The following MIGA1 variants were observed in gnomAD, a reference collection of about 807,000 sequenced individuals.
The protein encoded by MIGA1 is family with sequence similarity 73, member A.
MIGA1 carries 58 observed loss-of-function variants against 82.0 expected under a neutral mutation model. The observed-to-expected ratio is 0.71, with a 90% CI of 0.57 to 0.88. The LOEUF (loss-of-function observed/expected upper bound fraction) is 0.88. Among genes scored for constraint, MIGA1 ranks in the 40% least tolerant of loss-of-function variants. The pLI, the probability that MIGA1 is intolerant of heterozygous loss-of-function variation, is 0.00. For missense variants in MIGA1, 751 were observed against 749.1 expected (o/e 1.00, Z -0.03); for synonymous variants, 249 against 253.6 (o/e 0.98, Z 0.17).
At chr1:77,809,052 A>G (rs1428593112) in intron 5 of MIGA1, among the ~76,000 whole-genome samples, 1 of 152,122 alleles carries the variant, frequency 6.6e-6, no homozygotes. Flanking sequence ...TCAAGGTTAC[A>G]GTGAGCTAAT....
chr1:77,853,084 C>T (rs541690465), intron 8 of MIGA1, among the ~76,000 whole-genome samples: 1 of 152,278 alleles, frequency 6.6e-6, no homozygotes, highest in Admixed American at 6.5e-5. Context: ...ATGTGAAATA[C>T]CAAAACCAAA....
intron 3 of MIGA1, among the ~76,000 whole-genome samples, chr1:77,801,885 C>A (rs1046920048): frequency 3.3e-5 from 5 of 152,190 alleles, no homozygotes; most frequent in Middle Eastern, 3.4e-3. Context: ...GAATGTCTTT[C>A]CAGGTCAATA....
chr1:77,793,766 C>T (rs1682535353), intron 2 of MIGA1, among the ~76,000 whole-genome samples: 2 of 143,890 alleles, frequency 1.4e-5, no homozygotes, highest in Admixed American at 1.4e-4. Flanking sequence ...TGCCTGGCTG[C>T]TTTACTAAAA....
chr1:77,812,830 G>A (rs932374780), intron 5 of MIGA1, among the ~76,000 whole-genome samples: 1 of 152,010 alleles, frequency 6.6e-6, no homozygotes, highest in African/African-American at 2.4e-5. Flanking sequence ...CTTTTGATGG[G>A]TTCATTCAGT....
chr1:77,811,001 T>C (rs1683305827), intron 5 of MIGA1: 1 of 1,612,676 alleles, frequency 6.2e-7, no homozygotes, highest in East Asian at 2.2e-5. Flanking sequence ...TCCATCTCCA[T>C]GAAAGCAAAA....
chr1:77,838,677 A>G (rs1435816610), intron 7 of MIGA1, among the ~76,000 whole-genome samples: 1 of 152,040 alleles, frequency 6.6e-6, no homozygotes, highest in Non-Finnish European at 1.5e-5. Context: ...CGAACTCCTG[A>G]CCTCAGGTGA....
intron 8 of MIGA1, 146 bp from the exon 9 acceptor site, chr1:77,858,792 T>A (rs1281565400): frequency 7.4e-6 from 4 of 537,604 alleles, no homozygotes; most frequent in Non-Finnish European, 1.3e-5. Flanking sequence ...CTAATTTTTT[T>A]AGATTTTTGT....
intron 14 of MIGA1, among the ~76,000 whole-genome samples, chr1:77,867,132 C>G (rs1468017933): frequency 6.6e-6 from 1 of 152,302 alleles, no homozygotes; most frequent in East Asian, 1.9e-4. Context: ...GCCTCACACC[C>G]TGTAACCTGT....
intron 8 of MIGA1, among the ~76,000 whole-genome samples, chr1:77,849,257 TG>T (rs1376934892): frequency 6.6e-6 from 1 of 152,050 alleles, no homozygotes; most frequent in Non-Finnish European, 1.5e-5. Context: ...AAAAGCCTGG[TG>T]TGGTGGTGCA....
chr1:77,848,336 C>G, intron 8 of MIGA1: 1 of 1,259,980 alleles, frequency 7.9e-7, no homozygotes, highest in Non-Finnish European at 1.1e-6. Flanking sequence ...ATGATCAGAA[C>G]CGACACAGTG....
At chr1:77,862,430 G>C (rs1436282842) in intron 12 of MIGA1, among the ~76,000 whole-genome samples, 1 of 149,588 alleles carries the variant, frequency 6.7e-6, no homozygotes, top group African/African-American at 2.5e-5. Flanking sequence ...CTGGGTGACA[G>C]AACAAGACTC....
At chr1:77,804,425 A>G (rs1471111019) in intron 4 of MIGA1, among the ~76,000 whole-genome samples, 1 of 152,214 alleles carries the variant, frequency 6.6e-6, no homozygotes, top group East Asian at 1.9e-4. Context: ...GCAAAAGAAT[A>G]TACAATGAGA....
chr1:77,866,870 G>A (rs1029058014), intron 14 of MIGA1, among the ~76,000 whole-genome samples: 1 of 151,704 alleles, frequency 6.6e-6, no homozygotes, highest in East Asian at 1.9e-4. Flanking sequence ...AGTAGAGATG[G>A]GGTTTCACCA....
Position 77,877,636 on chromosome 1 carries a change from T to G in MIGA1, c.*2572T>G, listed in dbSNP as rs1646904253. ...GTAATTTACCCATTTGAGGGCTAAG[T>G]GTTTTAAGCTGTGGTTTTATAAGCA... On this transcript the variant is annotated 3_prime_UTR_variant, in exon 16 of 16. Coordinates refer to ENST00000370791, the MANE Select transcript of MIGA1 (RefSeq NM_198549.4). The G allele has an allele frequency of 6.6e-6, 1 of 152,650 alleles. No homozygotes were observed. The highest frequency in any genetic ancestry group is 1.5e-5 in the Non-Finnish European group (1 of 68,040). 9.5% of individuals were successfully genotyped at this position (152,650 alleles called of 1,614,324 possible).
At chr1:77,797,976 G>A (rs537456995) in intron 2 of MIGA1, among the ~76,000 whole-genome samples, 2 of 152,044 alleles carry the variant, frequency 1.3e-5, no homozygotes, top group African/African-American at 2.4e-5. Flanking sequence ...CTTCTAATAC[G>A]ACATTGGTGA....
intron 8 of MIGA1, among the ~76,000 whole-genome samples, chr1:77,854,775 A>G (rs912016136): frequency 6.6e-6 from 1 of 151,588 alleles, no homozygotes; most frequent in African/African-American, 2.4e-5. Context: ...GTTTGAGTTC[A>G]TTGTAGATTC....
chr1:77,822,926 TCCACC>T (rs1683879308), intron 7 of MIGA1, among the ~76,000 whole-genome samples: 2 of 136,592 alleles, frequency 1.5e-5, no homozygotes, highest in African/African-American at 5.5e-5. Flanking sequence ...CGCTGCCACC[TCCACC>T]TCTTGGGTTC....
At chr1:77,807,721 G>T (rs1683157011) in intron 5 of MIGA1, among the ~76,000 whole-genome samples, 1 of 152,078 alleles carries the variant, frequency 6.6e-6, no homozygotes, top group African/African-American at 2.4e-5. Context: ...AGCTTTTGGT[G>T]GCTTCCAACA....
intron 2 of MIGA1, among the ~76,000 whole-genome samples, chr1:77,799,306 C>T (rs1682781307): frequency 6.6e-6 from 1 of 152,120 alleles, no homozygotes; most frequent in Admixed American, 6.6e-5. Context: ...AAGACTTTCT[C>T]ATAAAAAGGC....
Sources: gnomAD v4.1 joint callset for allele counts (sites outside exome capture counted in the v4.1 genomes callset) on GRCh38, gnomAD v4.1.1 for gene constraint, MANE v1.5 for transcripts, NCBI Gene and HGNC (gene_info 2026-07-23, HGNC 2026-07-21) for gene names.